The following COL21A1 variants were observed in gnomAD, a reference collection of about 807,000 sequenced individuals.
COL21A1 encodes the protein collagen alpha-1(XXI) chain.
In COL21A1, 149 loss-of-function variants were observed where a neutral mutation model predicts 137.9. The observed-to-expected ratio is 1.08, with a 90% CI of 0.95 to 1.24. The LOEUF (loss-of-function observed/expected upper bound fraction) is 1.24, where lower values mean the gene tolerates loss of function less well. COL21A1 is among the 50% of genes most tolerant of loss of function. COL21A1 has a pLI of 0.00. For missense variants in COL21A1, 1,167 were observed against 1,158.4 expected (o/e 1.01, Z -0.11); for synonymous variants, 456 against 391.5 (o/e 1.16, Z -1.95).
chr6:56,315,457 T>A (rs1387230612), intron 1 of COL21A1, among the ~76,000 whole-genome samples: 1 of 152,108 alleles, frequency 6.6e-6, no homozygotes. Context: ...CAGGAAGAAA[T>A]ACGTAAAAAG....
At chr6:56,196,337 C>T (rs1191951735) in intron 1 of COL21A1, among the ~76,000 whole-genome samples, 1 of 152,106 alleles carries the variant, frequency 6.6e-6, no homozygotes, top group Non-Finnish European at 1.5e-5. Flanking sequence ...CTCACTACTT[C>T]TCTACAACAT....
chr6:56,216,308 T>C (rs977708599), intron 1 of COL21A1, among the ~76,000 whole-genome samples: 5 of 152,094 alleles, frequency 3.3e-5, no homozygotes, highest in East Asian at 3.8e-4. Flanking sequence ...ACCAACATTA[T>C]TATTTTTGGA....
intron 3 of COL21A1, among the ~76,000 whole-genome samples, chr6:56,172,898 C>T (rs1187737469): frequency 6.6e-6 from 1 of 151,104 alleles, no homozygotes; most frequent in Non-Finnish European, 1.5e-5. Flanking sequence ...AAAGAAAATA[C>T]CTACGGAAGA....
intron 1 of COL21A1, among the ~76,000 whole-genome samples, chr6:56,304,790 G>T (rs906000842): frequency 1.3e-5 from 2 of 152,094 alleles, no homozygotes; most frequent in Non-Finnish European, 2.9e-5. Flanking sequence ...GAATGTGTTT[G>T]CTCTTGCTTC....
At chr6:56,205,767 T>C (rs758243248) in intron 1 of COL21A1, among the ~76,000 whole-genome samples, 3 of 152,108 alleles carry the variant, frequency 2.0e-5, no homozygotes, top group Non-Finnish European at 4.4e-5. Context: ...TGGAAGCCCA[T>C]CAGACACAGC....
intron 1 of COL21A1, among the ~76,000 whole-genome samples, chr6:56,325,948 T>G (rs1390588879): frequency 8.0e-5 from 1 of 12,538 alleles, no homozygotes; most frequent in Non-Finnish European, 1.5e-4. Flanking sequence ...TATTATATAT[T>G]ATATAATATA....
intron 1 of COL21A1, among the ~76,000 whole-genome samples, chr6:56,354,505 A>G (rs1581767314): frequency 1.3e-5 from 2 of 150,722 alleles, no homozygotes; most frequent in South Asian, 4.2e-4. Context: ...AACAAACAAA[A>G]AAAGACACAG....
intron 1 of COL21A1, among the ~76,000 whole-genome samples, chr6:56,354,198 A>T (rs1264539069): frequency 6.6e-6 from 1 of 152,232 alleles, no homozygotes; most frequent in Admixed American, 6.5e-5. Flanking sequence ...GTGGGGCTAA[A>T]AGTCAGGTGG....
At chr6:56,252,969 C>A (rs751404255) in intron 1 of COL21A1, among the ~76,000 whole-genome samples, 1 of 152,100 alleles carries the variant, frequency 6.6e-6, no homozygotes, top group South Asian at 2.1e-4. Context: ...ATGGATAAAT[C>A]GAAGAGCCTA....
At chr6:56,240,575 T>C (rs1582715150) in intron 1 of COL21A1, among the ~76,000 whole-genome samples, 1 of 152,208 alleles carries the variant, frequency 6.6e-6, no homozygotes, top group East Asian at 1.9e-4. Flanking sequence ...AATGACTTCA[T>C]GCTGACTTAA....
At chr6:56,068,609 A>T (rs566494174) in intron 22 of COL21A1, among the ~76,000 whole-genome samples, 1 of 151,744 alleles carries the variant, frequency 6.6e-6, no homozygotes, top group Non-Finnish European at 1.5e-5. Flanking sequence ...ATTGTTTCAT[A>T]GATAGGAACT....
At chr6:56,107,671 G>T (rs1392414781) in intron 16 of COL21A1, among the ~76,000 whole-genome samples, 1 of 151,960 alleles carries the variant, frequency 6.6e-6, no homozygotes, top group Non-Finnish European at 1.5e-5. Flanking sequence ...GTGAGACAAG[G>T]GTTTTATAGG....
chr6:56,081,106 G>T (rs1173196642), intron 17 of COL21A1, among the ~76,000 whole-genome samples: 1 of 151,802 alleles, frequency 6.6e-6, no homozygotes, highest in Non-Finnish European at 1.5e-5. Context: ...CTCAGTGCTG[G>T]CATGACAATG....
intron 10 of COL21A1, among the ~76,000 whole-genome samples, chr6:56,143,891 C>T (rs1774631506): frequency 6.6e-6 from 1 of 152,026 alleles, no homozygotes; most frequent in African/African-American, 2.4e-5. Context: ...TATACATGAA[C>T]GTGTAAAAAA....
intron 1 of COL21A1, among the ~76,000 whole-genome samples, chr6:56,224,256 C>G (rs896055414): frequency 6.6e-6 from 1 of 152,114 alleles, no homozygotes; most frequent in African/African-American, 2.4e-5. Flanking sequence ...ACAGTCTCCT[C>G]TCTGCCAACA....
chr6:56,249,266 G>A (rs1345764231), upstream of COL21A1, among the ~76,000 whole-genome samples: 4 of 152,160 alleles, frequency 2.6e-5, no homozygotes, highest in African/African-American at 9.7e-5. Context: ...TATTCCTAGT[G>A]GGCTTGTAAA....
intron 10 of COL21A1, among the ~76,000 whole-genome samples, chr6:56,147,078 CACTTAA>C (rs1396301024): frequency 2.6e-5 from 4 of 152,102 alleles, no homozygotes; most frequent in South Asian, 4.1e-4. Flanking sequence ...AATTAGGTTA[CACTTAA>C]ACTTATACTA....
intron 10 of COL21A1, among the ~76,000 whole-genome samples, chr6:56,153,377 C>T (rs1403403477): frequency 6.6e-6 from 1 of 152,160 alleles, no homozygotes; most frequent in Non-Finnish European, 1.5e-5. Flanking sequence ...TCCAACCTGC[C>T]TATGGATTTT....
At chr6:56,367,880 A>AT (rs1766137211) in intron 1 of COL21A1, among the ~76,000 whole-genome samples, 1 of 152,134 alleles carries the variant, frequency 6.6e-6, no homozygotes, top group African/African-American at 2.4e-5. Flanking sequence ...GTGCCCAGCT[A>AT]TTTTTTAATT....
Sources: gnomAD v4.1 joint callset for allele counts (sites outside exome capture counted in the v4.1 genomes callset) on GRCh38, gnomAD v4.1.1 for gene constraint, MANE v1.5 for transcripts, NCBI Gene and HGNC (gene_info 2026-07-23, HGNC 2026-07-21) for gene names.